Variants in DNAH7 observed in about 807,000 individuals in gnomAD.
DNAH7 encodes the protein axonemal beta dynein heavy chain 7.
Under a neutral mutation model 444.6 loss-of-function variants are expected in DNAH7, and 397 were observed. The ratio of observed to expected loss-of-function variants is 0.89; its 90% confidence interval spans 0.82 to 0.97. The LOEUF (loss-of-function observed/expected upper bound fraction) is 0.97. Among genes scored for constraint, DNAH7 ranks in the 50% least tolerant of loss-of-function variants. The probability of loss-of-function intolerance (pLI) is 0.00; values close to 1 mark genes in which losing one functional copy is unlikely to be tolerated. For synonymous variants in DNAH7, 1,636 were observed against 1,624.4 expected, an observed-to-expected ratio of 1.01 and a Z score of -0.17; for missense variants, 4,902 against 4,800.8, an observed-to-expected ratio of 1.02 and a Z score of -0.62.
At chr2:195,954,282 G>C (rs554522071) in intron 19 of DNAH7, among the ~76,000 whole-genome samples, 1 of 152,164 alleles carries the variant, frequency 6.6e-6, no homozygotes, top group Non-Finnish European at 1.5e-5. Flanking sequence ...GTGGTGTTTG[G>C]TTTCCTGTCC....
At chr2:195,987,025 T>A in intron 14 of DNAH7, 41 bp downstream of exon 14, 2 of 1,524,254 alleles carry the variant, frequency 1.3e-6, no homozygotes, top group South Asian at 1.3e-5. Flanking sequence ...CTATTAAACA[T>A]CCCCTCCCAA....
At chr2:195,799,258 TAAAATAA>T in intron 55 of DNAH7, 31 bp downstream of exon 55, 1 of 1,435,452 alleles carries the variant, frequency 7.0e-7, no homozygotes, top group Admixed American at 2.5e-5. Context: ...ATTGCTTTTT[TAAAATAA>T]TATCCGATAA....
chr2:195,864,129 T>C lies in DNAH7; in HGVS notation c.7506+20A>G, dbSNP rs765168346. On this transcript the variant is annotated intron_variant, in intron 41 of 64. Transcript: ENST00000312428. ...AATTCAACATTTCTAGAAGTCTATC[T>C]AAAATGTACATGACAATACCTGAAA... is the stretch of plus-strand genomic sequence containing the variant. 2.6e-5 allele frequency: 42 copies of C among 1,598,768 alleles called. No individual in the cohort carries two copies. Among genetic ancestry groups the C allele is most frequent in the Non-Finnish European group, 3.4e-5 (40 of 1,168,356 alleles).
At chr2:195,755,452 T>G (rs993160231) in intron 62 of DNAH7, among the ~76,000 whole-genome samples, 1 of 152,214 alleles carries the variant, frequency 6.6e-6, no homozygotes, top group Non-Finnish European at 1.5e-5. Flanking sequence ...GAAATGAGTT[T>G]GAAAAGCTTT....
chr2:195,928,546 G>C (rs934168064), intron 21 of DNAH7, among the ~76,000 whole-genome samples: 11 of 152,138 alleles, frequency 7.2e-5, no homozygotes, highest in African/African-American at 2.7e-4. Context: ...CAAGGCCTAT[G>C]AAAACTCATC....
intron 3 of DNAH7, among the ~76,000 whole-genome samples, chr2:196,050,426 AATTATACAACAATGT>A: frequency 6.6e-6 from 1 of 152,282 alleles, no homozygotes; most frequent in East Asian, 1.9e-4. Flanking sequence ...TGGTAGTAAT[AATTATACAACAATGT>A]GAATGTACTG....
rs1695654837 is a variant in DNAH7 at position 195,787,060 on chromosome 2, C to T, written c.10828G>A (p.Asp3610Asn). The T allele has an allele frequency of 6.2e-7, 1 of 1,610,702 alleles. No individual in the cohort carries two copies. Among genetic ancestry groups the T allele is most frequent in the Non-Finnish European group, 8.5e-7 (1 of 1,179,098 alleles). The change falls in exon 58 of 65, where the codon GAT becomes AAT. Residue 3610 changes from aspartate (D) to asparagine (N), a missense_variant. Physicochemically the swap from Asp to Asn is conservative, Grantham distance 23. Transcript: ENST00000312428. The part of the protein sequence containing the change: ...WNIPYEFNET[D>N]LRISVQQLHM... The stretch of plus-strand genomic sequence containing the variant: ...AGCTGCTGTACGCTGATTCTCAGAT[C>T]TGTCTCATTGAACTCATAAGGAATA...
At chr2:196,012,281 T>C (rs1694768163) in intron 10 of DNAH7, among the ~76,000 whole-genome samples, 1 of 152,166 alleles carries the variant, frequency 6.6e-6, no homozygotes, top group South Asian at 2.1e-4. Context: ...TATGTGGCTA[T>C]TCCATTCCGA....
intron 41 of DNAH7, among the ~76,000 whole-genome samples, chr2:195,863,063 T>A (rs1191941342): frequency 6.6e-6 from 1 of 152,106 alleles, no homozygotes; most frequent in African/African-American, 2.4e-5. Context: ...CAACAAAGCA[T>A]TTACTCCCTA....
At chr2:195,860,705 T>C (rs116150206) in intron 42 of DNAH7, among the ~76,000 whole-genome samples, 2,808 of 152,230 alleles carry the variant, frequency 0.018, 80 homozygotes, top group African/African-American at 0.063. Flanking sequence ...GAATTAACCA[T>C]AGAAATATAT....
intron 63 of DNAH7, among the ~76,000 whole-genome samples, chr2:195,753,792 C>A (rs1693931161): frequency 6.6e-6 from 1 of 152,156 alleles, no homozygotes; most frequent in Non-Finnish European, 1.5e-5. Flanking sequence ...TCCTCACAAT[C>A]TTTCAACCAC....
At chr2:195,764,885 A>C (rs1437133210) in intron 61 of DNAH7, among the ~76,000 whole-genome samples, 10 of 151,616 alleles carry the variant, frequency 6.6e-5, no homozygotes, top group East Asian at 1.9e-4. Context: ...AAAAAAAAAA[A>C]CGCTAAAACT....
intron 24 of DNAH7, among the ~76,000 whole-genome samples, chr2:195,914,736 C>T (rs369648650): frequency 3.9e-5 from 6 of 152,130 alleles, no homozygotes; most frequent in Admixed American, 3.3e-4. Flanking sequence ...AAATCTTGGC[C>T]CACTGCAACC....
rs142273252 is a variant in DNAH7 at position 195,751,810 on chromosome 2, AG to A, written c.11764+2526del. 6.3e-3 allele frequency among the ~76,000 whole-genome samples: 966 copies of A among 152,354 alleles called. 6 individuals are homozygous for A. Among genetic ancestry groups the A allele is most frequent in the Middle Eastern group, 0.027 (8 of 294 alleles). On this transcript the variant is annotated intron_variant, in intron 63 of 64. Coordinates refer to ENST00000312428, the MANE Select transcript of DNAH7 (RefSeq NM_018897.3). Reference sequence around the variant, plus strand: ...GGTCTGGATTTTATTCAAACCACAAAGGGAAAAAACTTATTTAGTTGCCTGG... The same window carrying A: ...GGTCTGGATTTTATTCAAACCACAAAGGAAAAAACTTATTTAGTTGCCTGG...
rs776190474 is a variant in DNAH7, at chr2:196,012,768, T to C, written c.989+19A>G. 1.1e-5 allele frequency: 17 copies of C among 1,597,208 alleles called. No homozygotes were observed. Among genetic ancestry groups the C allele is most frequent in the South Asian group, 7.9e-5 (7 of 88,162 alleles). On this transcript the variant is annotated intron_variant, in intron 10 of 64. Coordinates refer to ENST00000312428, the MANE Select transcript of DNAH7 (RefSeq NM_018897.3). ...ATTTTTAAACTTATGCTTTCCTACA[T>C]GAAATTTCAAACCTTTACATTTTAA...
chr2:195,917,217 GA>G (rs1178375916), intron 24 of DNAH7, among the ~76,000 whole-genome samples: 1 of 150,410 alleles, frequency 6.6e-6, no homozygotes, highest in African/African-American at 2.4e-5. Context: ...GCAGCTTCCC[GA>G]TAAGATCTCA....
At chr2:195,930,823 A>G (rs1182193890) in intron 21 of DNAH7, among the ~76,000 whole-genome samples, 1 of 152,166 alleles carries the variant, frequency 6.6e-6, no homozygotes, top group African/African-American at 2.4e-5. Flanking sequence ...ATAAATATAC[A>G]CCATATAATA....
At chr2:195,923,559 T>C (rs1304581307) in intron 23 of DNAH7, 36 bp downstream of exon 23, 4 of 1,591,088 alleles carry the variant, frequency 2.5e-6, no homozygotes, top group South Asian at 2.2e-5. Context: ...CGAGCTGAAA[T>C]TGCTGTGTAA....
At chr2:195,932,030 T>C (rs374575821) in intron 21 of DNAH7, among the ~76,000 whole-genome samples, 10 of 152,194 alleles carry the variant, frequency 6.6e-5, no homozygotes, top group South Asian at 2.1e-4. Flanking sequence ...GCCATTTTCA[T>C]GATATTGATT....
Sources: gnomAD v4.1 joint callset for allele counts (sites outside exome capture counted in the v4.1 genomes callset) on GRCh38, gnomAD v4.1.1 for gene constraint, MANE v1.5 for transcripts, NCBI Gene and HGNC (gene_info 2026-07-23, HGNC 2026-07-21) for gene names.